TIPIN: variants seen among roughly 807,000 people sequenced by gnomAD.
TIPIN encodes TIMELESS-interacting protein.
TIPIN carries 29 observed loss-of-function variants against 35.6 expected under a neutral mutation model. The observed-to-expected ratio is 0.82, with a 90% CI of 0.61 to 1.11. The LOEUF is 1.11. TIPIN is among the 50% of genes most tolerant of loss of function. The pLI is 0.00. For synonymous variants in TIPIN, 102 were observed against 121.5 expected, an observed-to-expected ratio of 0.84 and a Z score of 1.06; for missense variants, 296 against 345.4, an observed-to-expected ratio of 0.86 and a Z score of 1.13.
intron 1 of TIPIN, among the ~76,000 whole-genome samples, chr15:66,381,978 C>T (rs1239554411): frequency 3.3e-5 from 5 of 152,060 alleles, no homozygotes; most frequent in African/African-American, 9.7e-5. Flanking sequence ...GGCAGGAGAA[C>T]CGCTTGAACC....
At chr15:66,377,241 G>A (rs1179385141) in intron 1 of TIPIN, among the ~76,000 whole-genome samples, 5 of 152,086 alleles carry the variant, frequency 3.3e-5, no homozygotes, top group South Asian at 2.1e-4. Flanking sequence ...TTCTCTAAGC[G>A]AGTAGAATTT....
chr15:66,364,516 C>A (rs2093245728), intron 1 of TIPIN, among the ~76,000 whole-genome samples: 3 of 151,930 alleles, frequency 2.0e-5, no homozygotes, highest in Admixed American at 6.6e-5. Flanking sequence ...AGGACAAGGA[C>A]CCTCTAAAGT....
intron 4 of TIPIN, among the ~76,000 whole-genome samples, chr15:66,351,041 A>G (rs1180303175): frequency 6.6e-6 from 1 of 151,746 alleles, no homozygotes; most frequent in African/African-American, 2.4e-5. Context: ...AATTATACCT[A>G]CACTCCTACA....
chr15:66,357,156 C>T (rs574612729), upstream of TIPIN, among the ~76,000 whole-genome samples: 529 of 152,224 alleles, frequency 3.5e-3, 7 homozygotes, highest in Non-Finnish European at 3.8e-3. Context: ...AACTCCTTAG[C>T]TCAAGCGATC....
chr15:66,351,739 A>C (rs940284269), intron 3 of TIPIN, 139 bp from the exon 4 acceptor site: 19 of 664,880 alleles, frequency 2.9e-5, no homozygotes, highest in Non-Finnish European at 4.5e-5. Context: ...CCCCAGGTTC[A>C]CGTCATTCTC....
At chr15:66,348,252 C>T (rs1595793011) in intron 6 of TIPIN, 2 of 152,078 alleles carry the variant, frequency 1.3e-5, no homozygotes, top group African/African-American at 4.8e-5. Flanking sequence ...GTAATCCTAC[C>T]TCCATGGCCT....
intron 1 of TIPIN, among the ~76,000 whole-genome samples, chr15:66,364,970 A>AAAAAAAAAAAAAAG (rs1555409817): frequency 2.2e-5 from 3 of 137,692 alleles, no homozygotes; most frequent in Non-Finnish European, 4.7e-5. Context: ...CCATCTCAAA[A>AAAAAAAAAAAAAAG]AAAAAGAAAA....
intron 7 of TIPIN, among the ~76,000 whole-genome samples, chr15:66,337,416 G>A (rs2093052572): frequency 6.6e-6 from 1 of 151,084 alleles, no homozygotes; most frequent in African/African-American, 2.4e-5. Flanking sequence ...ACCTCCACCG[G>A]GTTCAAGTGA....
At chr15:66,378,368 C>T (rs916558398) in intron 1 of TIPIN, among the ~76,000 whole-genome samples, 5 of 152,102 alleles carry the variant, frequency 3.3e-5, no homozygotes, top group African/African-American at 1.2e-4. Flanking sequence ...ATCTCCTGAC[C>T]TCGTGATCTG....
chr15:66,345,956 T>G (rs2140450873), intron 6 of TIPIN, among the ~76,000 whole-genome samples: 1 of 152,184 alleles, frequency 6.6e-6, no homozygotes, highest in South Asian at 2.1e-4. Flanking sequence ...TCTCCTTTTT[T>G]TTTTTTTGAG....
intron 1 of TIPIN, chr15:66,366,933 C>T (rs370383225): frequency 2.0e-6 from 2 of 978,272 alleles, no homozygotes; most frequent in African/African-American, 3.5e-5. Flanking sequence ...TGTAATCCCA[C>T]CACTTTGGGA....
intron 1 of TIPIN, among the ~76,000 whole-genome samples, chr15:66,374,016 T>A (rs955205292): frequency 6.6e-6 from 1 of 152,214 alleles, no homozygotes; most frequent in Non-Finnish European, 1.5e-5. Context: ...CTTTTTTCAA[T>A]TTAGCCAGAA....
chr15:66,360,225 T>G (rs1484299805), upstream of TIPIN, among the ~76,000 whole-genome samples: 1 of 152,088 alleles, frequency 6.6e-6, no homozygotes, highest in Non-Finnish European at 1.5e-5. Context: ...ATCCTATCCC[T>G]AAAAAATAAA....
intron 1 of TIPIN, among the ~76,000 whole-genome samples, chr15:66,375,028 T>C (rs2093291195): frequency 6.6e-6 from 1 of 151,978 alleles, no homozygotes; most frequent in Non-Finnish European, 1.5e-5. Flanking sequence ...TTTTTTTTGG[T>C]TTTTTAATTG....
At chr15:66,356,195 C>A (rs549985803) in intron 1 of TIPIN, among the ~76,000 whole-genome samples, 3 of 152,212 alleles carry the variant, frequency 2.0e-5, no homozygotes, top group South Asian at 4.1e-4. Flanking sequence ...GAAGTGCTAC[C>A]GTGCTGCCTC....
chr15:66,351,229 G>A (rs1007349847), intron 4 of TIPIN, among the ~76,000 whole-genome samples: 1 of 152,148 alleles, frequency 6.6e-6, no homozygotes, highest in Non-Finnish European at 1.5e-5. Flanking sequence ...TTAAAACTTT[G>A]AGGTAGACAA....
At chr15:66,368,968 C>T (rs1328225664) in intron 1 of TIPIN, among the ~76,000 whole-genome samples, 7 of 152,192 alleles carry the variant, frequency 4.6e-5, no homozygotes, top group African/African-American at 1.7e-4. Context: ...CATCACTGAA[C>T]TCTCTGAAGC....
chr15:66,336,988 A>C lies in TIPIN; in HGVS notation c.876T>G (p.Ala292=), dbSNP rs760086119. The change falls in exon 8 of 8, where the codon GCT becomes GCG. Residue 292 remains alanine (A), a synonymous_variant. Transcript: ENST00000261881. ...SFKNVQQQLD[A]TSRNITEAR ...TAGCTTCAGTAATATTTCTGGATGT[A>C]GCATCAAGTTGCTGTTGCACATTTT... 3 of 1,612,802 alleles carry C rather than the reference A, an allele frequency of 1.9e-6. No individual in the cohort carries two copies. Among genetic ancestry groups the C allele is most frequent in the East Asian group, 4.5e-5 (2 of 44,852 alleles).
At chr15:66,359,618 G>A (rs1178428298), upstream of TIPIN, among the ~76,000 whole-genome samples, 1 of 152,044 alleles carries the variant, frequency 6.6e-6, no homozygotes, top group African/African-American at 2.4e-5. Context: ...CAAAGTGCTG[G>A]GATTACAGGC....
Sources: gnomAD v4.1 joint callset for allele counts (sites outside exome capture counted in the v4.1 genomes callset) on GRCh38, gnomAD v4.1.1 for gene constraint, MANE v1.5 for transcripts, NCBI Gene and HGNC (gene_info 2026-07-23, HGNC 2026-07-21) for gene names.